PKDCC: variants seen among roughly 807,000 people sequenced by gnomAD.
The protein encoded by PKDCC is protein kinase domain containing, cytoplasmic.
In PKDCC, 35 loss-of-function variants were observed where a neutral mutation model predicts 44.7. The observed-to-expected ratio is 0.78, with a 90% CI of 0.60 to 1.04. The LOEUF (loss-of-function observed/expected upper bound fraction) is 1.04, where lower values mean the gene tolerates loss of function less well. Among genes scored for constraint, PKDCC ranks in the 50% least tolerant of loss-of-function variants. The pLI is 0.00. For synonymous variants in PKDCC, 353 were observed against 303.3 expected (o/e 1.16, Z -1.70); for missense variants, 738 against 672.7 (o/e 1.10, Z -1.07).
Position 42,054,641 on chromosome 2 carries a change from T to C in PKDCC, c.1035-300T>C, listed in dbSNP as rs536212320. The C allele has an allele frequency of 9.2e-4, 495 of 540,336 alleles. 7 individuals carry two copies. Among genetic ancestry groups the C allele is most frequent in the South Asian group, 8.6e-3 (350 of 40,704 alleles). 33.5% of individuals were successfully genotyped at this position (540,336 alleles called of 1,614,324 possible). A position where few individuals can be genotyped will look rare whatever the true frequency, so the allele number is the denominator to read the frequency against. On this transcript the variant is annotated intron_variant, in intron 3 of 6. Transcript: ENST00000294964. The surrounding 1 kb of genome is among the most constrained non-coding windows in gnomAD (Gnocchi z 6.1). ...GAAATTCCTCACTGGGCCCCAGCCA[T>C]GGGGCTGCTCCGACACCGGGAGTCA... is the stretch of plus-strand genomic sequence containing the variant.
In PKDCC at chr2:42,052,245, C is replaced by T. The variant is rs72969030; in HGVS notation, c.640-994C>T. On this transcript the variant is annotated intron_variant, in intron 1 of 6. Coordinates refer to ENST00000294964, the MANE Select transcript of PKDCC (RefSeq NM_138370.3). This position sits in a 1 kb window ranked among gnomAD's most constrained non-coding sequence, Gnocchi z 4.3. The stretch of plus-strand genomic sequence containing the variant: ...ACACATCACTCATATGCAAAACACA[C>T]CTGGGGATGTGCCCTCAGGTACCTT... 0.024 allele frequency among the ~76,000 whole-genome samples: 3,701 copies of T among 152,246 alleles called. 155 individuals carry two copies. Among genetic ancestry groups the T allele is most frequent in the African/African-American group, 0.084 (3,507 of 41,506 alleles).
Position 42,048,783 on chromosome 2 carries a change from A to G in PKDCC, c.584A>G (p.Lys195Arg). The G allele has an allele frequency of 1.3e-6, 2 of 1,528,696 alleles. No homozygotes were observed. The highest frequency in any genetic ancestry group is 1.8e-6 in the Non-Finnish European group (2 of 1,135,012). The allele number at this position is 1,528,696 out of a possible 1,614,324, so 94.7% of individuals were successfully genotyped here. ...RRGCYRLAAH[K>R]LLKEMVLLER... is the part of the protein sequence containing the mutation. ...GGCTGCTATCGGCTGGCGGCCCACA[A>G]GCTGCTTAAGGAGATGGTGCTGCTG... Residue 195 changes from lysine to arginine, a missense_variant, in exon 1 of 7, where the codon AAG becomes AGG. Coordinates refer to ENST00000294964, the MANE Select transcript of PKDCC (RefSeq NM_138370.3). The surrounding 1 kb of genome is among the most constrained non-coding windows in gnomAD (Gnocchi z 6.2).
In PKDCC at chr2:42,054,325, C is replaced by T. The variant is rs374202972; in HGVS notation, c.1034+18C>T. On this transcript the variant is annotated intron_variant, in intron 3 of 6. Coordinates refer to ENST00000294964, the MANE Select transcript of PKDCC (RefSeq NM_138370.3). This position sits in a 1 kb window ranked among gnomAD's most constrained non-coding sequence, Gnocchi z 6.1. ...GCCTACAGGTGACCTCCACCCCTGA[C>T]TCGGGAACTCCATCGAAGGAGAATG... The T allele has an allele frequency of 1.3e-5, 21 of 1,584,760 alleles. No individual in the cohort carries two copies. In the African/African-American group the frequency reaches 1.7e-4, roughly 13 times the overall value.
At position 42,048,247 on chromosome 2, in the gene PKDCC, C is replaced by A. The variant is rs1318295586; in HGVS notation, c.48C>A (p.Phe16Leu). 14 of 1,277,542 alleles carry A rather than the reference C, an allele frequency of 1.1e-5. No homozygotes were observed. In the South Asian group the frequency reaches 2.2e-4, roughly 20 times the overall value. 79.1% of individuals were successfully genotyped at this position (1,277,542 alleles called of 1,614,324 possible). The change falls in exon 1 of 7, where the codon TTC (phenylalanine) becomes TTA (leucine). Residue 16 changes from phenylalanine (F) to leucine (L), a missense_variant. Physicochemically the swap from Phe to Leu is conservative, Grantham distance 22. Transcript: ENST00000294964. The surrounding 1 kb of genome is among the most constrained non-coding windows in gnomAD (Gnocchi z 6.2). ...AAVAAGFCAS[F>L]LLGSVLNVLF... is the part of the protein sequence containing the mutation. ...TGGCCGCGGGTTTCTGCGCCTCCTT[C>A]CTGCTGGGCTCCGTCCTCAACGTGC...
At position 42,057,186 on chromosome 2, in the gene PKDCC, C is replaced by A. The variant is rs376119195; in HGVS notation, c.1223-35C>A. On this transcript the variant is annotated intron_variant, in intron 5 of 6. Coordinates refer to ENST00000294964, the MANE Select transcript of PKDCC (RefSeq NM_138370.3). ...CCTTGGGCACTCAAACCTGGGCATA[C>A]AGAATTCTCATTTTACTCCATCCCC... 197 of 1,608,256 alleles carry A rather than the reference C, an allele frequency of 1.2e-4. No homozygotes were observed. The South Asian group carries it at 2.0e-3, about 16-fold the overall frequency.
chr2:42,050,599 A>G (rs1667948403), intron 1 of PKDCC, among the ~76,000 whole-genome samples: 1 of 152,170 alleles, frequency 6.6e-6, no homozygotes, highest in African/African-American at 2.4e-5. Flanking sequence ...GAAGGCACCA[A>G]AGAAAAAATT....
chr2:42,053,394 C>G (rs878878186), intron 2 of PKDCC, 33 bp downstream of exon 2: 2 of 1,585,100 alleles, frequency 1.3e-6, no homozygotes, highest in South Asian at 1.2e-5. Context: ...GCCCTGGGCT[C>G]CTTGCTAGGA....
rs575225048 is a variant in PKDCC at position 42,055,201 on chromosome 2, G to A, written c.1115-85G>A. The stretch of plus-strand genomic sequence containing the variant: ...TGTTCACTGGGGCACAGGCTCTGGA[G>A]GCAGAGGTGGGAGCAGCTGGCTGCT... On this transcript the variant is annotated intron_variant, in intron 4 of 6. Coordinates refer to ENST00000294964, the MANE Select transcript of PKDCC (RefSeq NM_138370.3). The surrounding 1 kb of genome is among the most constrained non-coding windows in gnomAD (Gnocchi z 4.5). 7.3e-7 allele frequency: 1 copy of A among 1,378,162 alleles called. No individual in the cohort carries two copies. The highest frequency in any genetic ancestry group is 1.4e-5 in the African/African-American group (1 of 70,634). The allele number at this position is 1,378,162 out of a possible 1,614,324, so 85.4% of individuals were successfully genotyped here.
chr2:42,057,009 C>G (rs1038687272), intron 5 of PKDCC, among the ~76,000 whole-genome samples: 1 of 152,146 alleles, frequency 6.6e-6, no homozygotes, highest in African/African-American at 2.4e-5. Flanking sequence ...ATATGTATCT[C>G]CTGAAAATCA....
rs779863633 is a variant in PKDCC at position 42,055,056 on chromosome 2, T to C, written c.1114+36T>C. Reference sequence around the variant, plus strand: ...CAGGGCCCATCTGCTTCCAGGCACCTACCCCACCCCCACCCGCCAGCAAAA... The same window carrying C: ...CAGGGCCCATCTGCTTCCAGGCACCCACCCCACCCCCACCCGCCAGCAAAA... On this transcript the variant is annotated intron_variant, in intron 4 of 6. Transcript: ENST00000294964. The surrounding 1 kb of genome is among the most constrained non-coding windows in gnomAD (Gnocchi z 4.5). 1 of 1,586,252 alleles carries C rather than the reference T, an allele frequency of 6.3e-7. No individual in the cohort carries two copies. The highest frequency in any genetic ancestry group is 8.7e-7 in the Non-Finnish European group (1 of 1,155,602).
rs61754921 is a variant in PKDCC at position 42,054,198 on chromosome 2, A to G, written c.925A>G (p.Ser309Gly). ...TGTGGAGGAGACGCCGTGTGCAGGC[A>G]GCACCGACTGCATACTCGAGTTTCC... ...ARVEETPCAG[S>G]TDCILEFPAR... The change falls in exon 3 of 7, where the codon AGC (serine) becomes GGC (glycine). Residue 309 changes from serine (S) to glycine (G), a missense_variant. Coordinates refer to ENST00000294964, the MANE Select transcript of PKDCC (RefSeq NM_138370.3). The surrounding 1 kb of genome is among the most constrained non-coding windows in gnomAD (Gnocchi z 6.1). 1.8e-4 allele frequency: 290 copies of G among 1,607,412 alleles called. 1 individual carries two copies. The African/African-American group carries it at 3.5e-3, about 20-fold the overall frequency.
intron 5 of PKDCC, 109 bp from the exon 6 acceptor site, chr2:42,057,112 C>T: frequency 1.5e-6 from 2 of 1,328,940 alleles, no homozygotes; most frequent in South Asian, 2.7e-5. Context: ...TGGACTTCAG[C>T]TTTCACCTAG....
At chr2:42,057,539 A>G (rs574383915) in intron 6 of PKDCC, 64 bp from the exon 7 acceptor site, 3 of 1,577,338 alleles carry the variant, frequency 1.9e-6, no homozygotes, top group South Asian at 2.3e-5. Context: ...CAAATTAGGG[A>G]GAATGGTCTT....
intron 1 of PKDCC, among the ~76,000 whole-genome samples, chr2:42,049,242 C>G (rs971538395): frequency 3.9e-5 from 6 of 152,152 alleles, no homozygotes; most frequent in Non-Finnish European, 7.3e-5. Context: ...GTGATAAAGT[C>G]CCCCTTCTTG....
In PKDCC at chr2:42,054,065, C is replaced by T. The variant is rs1434587356; in HGVS notation, c.792C>T (p.His264=). ...GCCTGAGCCTGGGCCGCCTCCTCCA[C>T]CACCTGGCCCACTCCCCACTGGGCT... The part of the protein sequence containing the change: ...RICLSLGRLL[H]HLAHSPLGSV... Residue 264 remains histidine (H), a synonymous_variant, in exon 3 of 7, where the codon CAC becomes CAT. Transcript: ENST00000294964. The surrounding 1 kb of genome is among the most constrained non-coding windows in gnomAD (Gnocchi z 6.1). 2 of 1,612,148 alleles carry T rather than the reference C, an allele frequency of 1.2e-6. No individual in the cohort carries two copies. Among genetic ancestry groups the T allele is most frequent in the South Asian group, 1.1e-5 (1 of 90,980 alleles).
At position 42,048,264 on chromosome 2, in the gene PKDCC, TC is replaced by T; in HGVS notation, c.66del (p.Asn23ThrfsTer65). Reference sequence around the variant, plus strand: ...GCCTCCTTCCTGCTGGGCTCCGTCCTCAACGTGCTCTTCGCTCCGGGCTCGG... The same window carrying T: ...GCCTCCTTCCTGCTGGGCTCCGTCCTAACGTGCTCTTCGCTCCGGGCTCGG... ...FCASFLLGSV[L>X]NVLFAPGSEP... On this transcript the variant is annotated frameshift_variant, in exon 1 of 7. Transcript: ENST00000294964. LOFTEE classifies it high-confidence loss of function. The surrounding 1 kb of genome is among the most constrained non-coding windows in gnomAD (Gnocchi z 6.2). 1 of 1,280,088 alleles carries T rather than the reference TC, an allele frequency of 7.8e-7. No individual in the cohort carries two copies. The highest frequency in any genetic ancestry group is 1.0e-6 in the Non-Finnish European group (1 of 1,004,918). 79.3% of individuals were successfully genotyped at this position (1,280,088 alleles called of 1,614,324 possible).
chr2:42,054,448 A>G lies in PKDCC; in HGVS notation c.1034+141A>G. 9.9e-7 allele frequency: 1 copy of G among 1,011,674 alleles called. No homozygotes were observed. Among genetic ancestry groups the G allele is most frequent in the Non-Finnish European group, 1.4e-6 (1 of 702,048 alleles). 62.7% of individuals were successfully genotyped at this position (1,011,674 alleles called of 1,614,324 possible). A position where few individuals can be genotyped will look rare whatever the true frequency, so the allele number is the denominator to read the frequency against. ...GCAAGGGAAGGCTTCTACCCTGTCC[A>G]GAAGGGAACATTCAGGCCTCTGATG... On this transcript the variant is annotated intron_variant, in intron 3 of 6. Coordinates refer to ENST00000294964, the MANE Select transcript of PKDCC (RefSeq NM_138370.3). The surrounding 1 kb of genome is among the most constrained non-coding windows in gnomAD (Gnocchi z 6.1).
intron 1 of PKDCC, among the ~76,000 whole-genome samples, chr2:42,049,655 C>T (rs1437541382): frequency 4.6e-5 from 7 of 152,174 alleles, no homozygotes; most frequent in Non-Finnish European, 1.0e-4. Flanking sequence ...TCTGCCTCGC[C>T]TGTTCACTGG....
chr2:42,057,282 C>T lies in PKDCC; in HGVS notation c.1284C>T (p.Tyr428=), dbSNP rs1384443206. The T allele has an allele frequency of 6.2e-7, 1 of 1,614,246 alleles. No homozygotes were observed. The highest frequency in any genetic ancestry group is 8.5e-7 in the Non-Finnish European group (1 of 1,180,048). ...PQEDYRCWPS[Y]HHGSCLLSVF... ...AAGACTACCGCTGCTGGCCATCCTA[C>T]CACCACGGGAGCTGCCTCCTTTCAG... Residue 428 remains tyrosine, a synonymous_variant, in exon 6 of 7, where the codon TAC becomes TAT. Coordinates refer to ENST00000294964, the MANE Select transcript of PKDCC (RefSeq NM_138370.3).
Sources: gnomAD v4.1 joint callset for allele counts (sites outside exome capture counted in the v4.1 genomes callset) on GRCh38, gnomAD v4.1.1 for gene constraint, Gnocchi (gnomAD v3.1) non-coding constraint, MANE v1.5 for transcripts, NCBI Gene and HGNC (gene_info 2026-07-23, HGNC 2026-07-21) for gene names.